SEC16A: variants seen among roughly 807,000 people sequenced by gnomAD.
SEC16A encodes the protein SEC16 homolog A, endoplasmic reticulum export factor.
A neutral mutation model predicts 221.9 loss-of-function variants in SEC16A; 110 were observed. The observed-to-expected ratio is 0.50, with a 90% CI of 0.42 to 0.58. SEC16A has a LOEUF of 0.58. Ranked by LOEUF, SEC16A falls within the 20% of genes least tolerant of loss-of-function variation. The probability of loss-of-function intolerance (pLI) is 0.00; values close to 1 mark genes in which losing one functional copy is unlikely to be tolerated. For synonymous variants in SEC16A, 1,393 were observed against 1,257.7 expected (o/e 1.11, Z -2.28); for missense variants, 3,165 against 3,097.8 (o/e 1.02, Z -0.52).
rs776243534 is a variant in SEC16A, at chr9:136,474,160, C to G, written c.3456G>C (p.Pro1152=). ...QPVPALAPGP[P]PQDLAAYYYY... ...AGTAGTAGGCGGCCAGGTCCTGAGG[C>G]GGTGGGCCGGGGGCAAGTGCAGGCA... is the stretch of plus-strand genomic sequence containing the variant. Residue 1152 remains proline (P), a synonymous_variant, in exon 3 of 32, where the codon CCG becomes CCC. Coordinates refer to ENST00000684901, the MANE Select transcript of SEC16A (RefSeq NM_014866.2). 1 of 1,613,140 alleles carries G rather than the reference C, an allele frequency of 6.2e-7. No homozygotes were observed. Among genetic ancestry groups the G allele is most frequent in the African/African-American group, 1.3e-5 (1 of 74,928 alleles).
chr9:136,448,899 G>A (rs1837410983), intron 23 of SEC16A: 2 of 690,330 alleles, frequency 2.9e-6, no homozygotes, highest in Non-Finnish European at 5.4e-6. Context: ...AGGAGACAGA[G>A]TTTCTGTTTG....
chr9:136,443,199 C>A (rs1053592097), intron 31 of SEC16A, among the ~76,000 whole-genome samples: 1 of 151,144 alleles, frequency 6.6e-6, no homozygotes, highest in Non-Finnish European at 1.5e-5. Context: ...AAAGGCAAAG[C>A]GAATACAGGA....
upstream of SEC16A, chr9:136,483,437 TTTGGCCC>T: frequency 3.0e-6 from 1 of 331,066 alleles, no homozygotes; most frequent in Non-Finnish European, 3.6e-6. Context: ...TTCCCGCCCC[TTTGGCCC>T]CGCCCCTCGG....
In SEC16A at chr9:136,476,548, C is replaced by G. The variant is rs1841662742; in HGVS notation, c.1068G>C (p.Gly356=). 6.2e-7 allele frequency: 1 copy of G among 1,611,080 alleles called. No individual in the cohort carries two copies. The highest frequency in any genetic ancestry group is 8.5e-7 in the Non-Finnish European group (1 of 1,178,004). Residue 356 remains glycine (G), a synonymous_variant, in exon 3 of 32, where the codon GGG becomes GGC. Transcript: ENST00000684901. ...CTGCTTCTAGCGGGGCACAGCCAGA[C>G]CCGGCCCCAGCCCCCAGTGGGTGGT... ...RTHHPLGAGA[G]SGCAPLEADS... is the part of the protein sequence containing the mutation.
chr9:136,484,611 G>GGGAGCCACCCTTGTCCCCAGCTGGGCC, upstream of SEC16A: 1 of 1,360,306 alleles, frequency 7.4e-7, no homozygotes, highest in South Asian at 1.1e-5. Flanking sequence ...CTCCCTGGGT[G>GGGAGCCACCCTTGTCCCCAGCTGGGCC]GGAGCCACCC....
At chr9:136,453,593 C>T in intron 21 of SEC16A, 83 bp from the exon 22 acceptor site, 4 of 1,042,340 alleles carry the variant, frequency 3.8e-6, no homozygotes, top group Non-Finnish European at 5.9e-6. Context: ...ACAGGCACAC[C>T]ACCTTCCCAC....
chr9:136,477,735 T>G, intron 2 of SEC16A, 51 bp from the exon 3 acceptor site: 1 of 1,413,716 alleles, frequency 7.1e-7, no homozygotes, highest in South Asian at 1.5e-5. Flanking sequence ...TTCAAAGTCC[T>G]AGCTGCAATC....
Position 136,447,056 on chromosome 9 carries a change from C to A in SEC16A, c.6698-107G>T. 1 of 1,568,814 alleles carries A rather than the reference C, an allele frequency of 6.4e-7. No individual in the cohort carries two copies. Among genetic ancestry groups the A allele is most frequent in the Non-Finnish European group, 8.6e-7 (1 of 1,160,840 alleles). On this transcript the variant is annotated intron_variant, in intron 27 of 31. Coordinates refer to ENST00000684901, the MANE Select transcript of SEC16A (RefSeq NM_014866.2). The surrounding 1 kb of genome is among the most constrained non-coding windows in gnomAD (Gnocchi z 5.5). ...AGTTTCACACTGCACACGCGGCACA[C>A]TCATGCAGAAACAGGCAAATCAAAA... is the stretch of plus-strand genomic sequence containing the variant.
rs1314253144 is a variant in SEC16A, at chr9:136,474,522, G to T, written c.3094C>A (p.Pro1032Thr). The part of the protein sequence containing the change: ...SVASHPRQSG[P>T]GAPNLDRFYQ... ...AAACGGTCAAGGTTAGGCGCCCCAGGCCCAGATTGTCTGGGATGACTGGCA... is the reference window on the plus strand; with the variant it reads ...AAACGGTCAAGGTTAGGCGCCCCAGTCCCAGATTGTCTGGGATGACTGGCA... Residue 1032 changes from proline (P) to threonine (T), a missense_variant, in exon 3 of 32, where the codon CCT becomes ACT. Pro to Thr is a conservative substitution (Grantham distance 38). This residue lies in a region of SEC16A where 2,030 missense variants were observed against 1,923.1 expected (regional missense o/e 1.06). Transcript: ENST00000684901. 1 of 1,612,918 alleles carries T rather than the reference G, an allele frequency of 6.2e-7. No individual in the cohort carries two copies. Among genetic ancestry groups the T allele is most frequent in the Non-Finnish European group, 8.5e-7 (1 of 1,179,810 alleles).
chr9:136,477,127 T>C lies in SEC16A; in HGVS notation c.489A>G (p.Pro163=), dbSNP rs548639216. The change falls in exon 3 of 32, where the codon CCA becomes CCG. Residue 163 remains proline (P), a synonymous_variant. Coordinates refer to ENST00000684901, the MANE Select transcript of SEC16A (RefSeq NM_014866.2). The stretch of plus-strand genomic sequence containing the variant: ...CATGAGACGTTTCAGGATCCACTCC[T>C]GGAATGTAGTGAGGAAGATATGGCA... ...QTLPYLPHYI[P]GVDPETSHGG... 1 of 1,613,842 alleles carries C rather than the reference T, an allele frequency of 6.2e-7. No individual in the cohort carries two copies. Among genetic ancestry groups the C allele is most frequent in the African/African-American group, 1.3e-5 (1 of 75,022 alleles).
At position 136,447,300 on chromosome 9, in the gene SEC16A, A is replaced by C. The variant is rs1837141591; in HGVS notation, c.6624T>G (p.Ala2208=). ...NPSGTQRSEP[A]LAPADFVAPL... ...GAGCGACAAAGTCCGCAGGAGCGAG[A>C]GCCGGCTCGCTCCGCTGGGTCCCGC... The change falls in exon 27 of 32, where the codon GCT becomes GCG. Residue 2208 remains alanine, a synonymous_variant. Transcript: ENST00000684901. This position sits in a 1 kb window ranked among gnomAD's most constrained non-coding sequence, Gnocchi z 5.5. 1.3e-6 allele frequency: 2 copies of C among 1,595,334 alleles called. No individual in the cohort carries two copies. The highest frequency in any genetic ancestry group is 1.7e-6 in the Non-Finnish European group (2 of 1,171,678).
intron 2 of SEC16A, among the ~76,000 whole-genome samples, chr9:136,477,986 C>T (rs573929975): frequency 7.9e-5 from 12 of 152,122 alleles, no homozygotes; most frequent in Admixed American, 2.0e-4. Context: ...GCCGCAGACC[C>T]GCGCCACAAC....
Position 136,477,035 on chromosome 9 carries a change from CCGT to C in SEC16A, c.578_580del (p.Asp193del). On this transcript the variant is annotated inframe_deletion, in exon 3 of 32. Transcript: ENST00000684901. ...AGGGGATGCTGCTGGGGTGACCACA[CCGT>C]CATGTGGGTTTTGCCTGCTCAGGGG... The C allele has an allele frequency of 6.2e-7, 1 of 1,613,708 alleles. No individual in the cohort carries two copies. Among genetic ancestry groups the C allele is most frequent in the South Asian group, 1.1e-5 (1 of 91,088 alleles).
upstream of SEC16A, chr9:136,483,450 CT>C: frequency 1.3e-6 from 1 of 756,968 alleles, no homozygotes; most frequent in Non-Finnish European, 1.6e-6. Context: ...GGCCCCGCCC[CT>C]CGGCCGTCCT....
intron 4 of SEC16A, among the ~76,000 whole-genome samples, chr9:136,469,583 G>A (rs916286486): frequency 6.6e-6 from 1 of 152,210 alleles, no homozygotes; most frequent in African/African-American, 2.4e-5. Flanking sequence ...AGGATGGCTT[G>A]AGCCCAGCAG....
intron 3 of SEC16A, 24 bp from the exon 4 acceptor site, chr9:136,472,135 GGA>G (rs1840959980): frequency 6.2e-7 from 1 of 1,612,510 alleles, no homozygotes; most frequent in Admixed American, 1.7e-5. Context: ...CATTTGGGCA[GGA>G]TTAGACACCA....
At chr9:136,483,272 A>G (rs1426751495), upstream of SEC16A, among the ~76,000 whole-genome samples, 1 of 78,954 alleles carries the variant, frequency 1.3e-5, no homozygotes, top group Non-Finnish European at 2.3e-5. Context: ...TCCCCGCCTC[A>G]TTCTTTCGTC....
At chr9:136,468,921 C>A (rs756662829) in intron 4 of SEC16A, among the ~76,000 whole-genome samples, 19 of 152,160 alleles carry the variant, frequency 1.2e-4, no homozygotes, top group Non-Finnish European at 2.2e-4. Flanking sequence ...ATGATCTCAG[C>A]TTAACACAAC....
rs148169534 is a variant in SEC16A at position 136,450,568 on chromosome 9, C to T, written c.6312+688G>A. ...AACAGGGACACGAGAAGGTGCCCAG[C>T]GTCACACCTCGCTGTGGAGATGCAG... On this transcript the variant is annotated intron_variant, in intron 23 of 31. Transcript: ENST00000684901. Among the ~76,000 whole-genome samples the T allele has an allele frequency of 3.4e-4, 51 of 152,182 alleles. No homozygotes were observed. The East Asian group carries it at 6.0e-3, about 18-fold the overall frequency.
Sources: gnomAD v4.1 joint callset for allele counts (sites outside exome capture counted in the v4.1 genomes callset) on GRCh38, gnomAD v4.1.1 for gene constraint, gnomAD v4.1.1 regional missense constraint, Gnocchi (gnomAD v3.1) non-coding constraint, MANE v1.5 for transcripts, NCBI Gene and HGNC (gene_info 2026-07-23, HGNC 2026-07-21) for gene names.